Variants in PDE1A observed in about 807,000 individuals in gnomAD.
The protein encoded by PDE1A is phosphodiesterase 1A.
PDE1A carries 35 observed loss-of-function variants against 61.7 expected under a neutral mutation model. That is an observed-to-expected ratio of 0.57 (90% CI 0.43 to 0.75). PDE1A has a LOEUF of 0.75. Ranked by LOEUF, PDE1A falls within the 30% of genes least tolerant of loss-of-function variation. The probability of loss-of-function intolerance (pLI) is 0.00; values close to 1 mark genes in which losing one functional copy is unlikely to be tolerated. For synonymous variants in PDE1A, 232 were observed against 213.2 expected (o/e 1.09, Z -0.77); for missense variants, 597 against 630.6 (o/e 0.95, Z 0.57).
At chr2:182,383,930 G>A (rs1420254425) in intron 1 of PDE1A, among the ~76,000 whole-genome samples, 1 of 152,154 alleles carries the variant, frequency 6.6e-6, no homozygotes, top group Non-Finnish European at 1.5e-5. Flanking sequence ...GCACTGGGAA[G>A]ACTTCTATAG....
chr2:182,588,327 C>T, the PDE1A span, among the ~76,000 whole-genome samples: 20 of 152,100 alleles, frequency 1.3e-4, no homozygotes, highest in Non-Finnish European at 2.4e-4. Flanking sequence ...TGATTTTTAG[C>T]ACATTTCAAA....
rs570898200 is a variant in PDE1A, at chr2:182,399,405, T to A, written c.53+27173A>T. On this transcript the variant is annotated intron_variant, in intron 1 of 13. Coordinates refer to ENST00000351439, the Ensembl canonical transcript of PDE1A. ...TAAATCCTGCCCCCTCTGCTTCTAATCCCCGGAAACTCCTGATATGCTCTC... is the reference window on the plus strand; with the variant it reads ...TAAATCCTGCCCCCTCTGCTTCTAAACCCCGGAAACTCCTGATATGCTCTC... Among the ~76,000 whole-genome samples, 83 of 152,060 alleles carry A rather than the reference T, an allele frequency of 5.5e-4. 2 individuals carry two copies. The South Asian group carries it at 0.017, about 32-fold the overall frequency.
the PDE1A span, among the ~76,000 whole-genome samples, chr2:182,673,133 A>G: frequency 6.6e-6 from 1 of 152,306 alleles, no homozygotes; most frequent in African/African-American, 2.4e-5. Context: ...ATTAATGAAG[A>G]TATGCCATTA....
intron 1 of PDE1A, among the ~76,000 whole-genome samples, chr2:182,275,460 G>A (rs768687743): frequency 2.0e-5 from 3 of 152,110 alleles, no homozygotes; most frequent in Non-Finnish European, 4.4e-5. Context: ...CAGGCTAGTA[G>A]GCCCAGAACC....
intron 1 of PDE1A, among the ~76,000 whole-genome samples, chr2:182,300,526 A>G (rs377503344): frequency 2.2e-4 from 34 of 152,308 alleles, no homozygotes; most frequent in African/African-American, 7.0e-4. Flanking sequence ...TCAATTGTGC[A>G]GGGGCAGAAC....
intron 2 of PDE1A, among the ~76,000 whole-genome samples, chr2:182,463,264 T>C (rs1205159065): frequency 1.3e-5 from 2 of 150,702 alleles, no homozygotes; most frequent in East Asian, 1.9e-4. Context: ...ATAAATAAAA[T>C]AAAATAATAA....
chr2:182,404,179 T>A (rs986822095), intron 1 of PDE1A, among the ~76,000 whole-genome samples: 3 of 152,218 alleles, frequency 2.0e-5, no homozygotes, highest in Admixed American at 6.5e-5. Flanking sequence ...GTCTCAAACC[T>A]GACGACTCTG....
chr2:182,658,882 CT>C, the PDE1A span, among the ~76,000 whole-genome samples: 7 of 152,144 alleles, frequency 4.6e-5, no homozygotes, highest in African/African-American at 1.7e-4. Context: ...AATTCCATTA[CT>C]TTCAAACACT....
intron 2 of PDE1A, among the ~76,000 whole-genome samples, chr2:182,252,463 A>AAGAG (rs947999112): frequency 9.2e-5 from 14 of 152,192 alleles, no homozygotes; most frequent in African/African-American, 3.4e-4. Context: ...CCATGGAAGG[A>AAGAG]AGAGAGACCC....
the PDE1A span, among the ~76,000 whole-genome samples, chr2:182,588,486 T>C: frequency 6.6e-6 from 1 of 152,220 alleles, no homozygotes; most frequent in South Asian, 2.1e-4. Flanking sequence ...GAAACTCTTA[T>C]TACTTCTGTC....
At chr2:182,606,283 A>C in the PDE1A span, among the ~76,000 whole-genome samples, 1 of 152,024 alleles carries the variant, frequency 6.6e-6, no homozygotes, top group African/African-American at 2.4e-5. Flanking sequence ...GGTTCAAGCA[A>C]CTCTCCTGCC....
At chr2:182,664,411 T>C in the PDE1A span, among the ~76,000 whole-genome samples, 1 of 152,150 alleles carries the variant, frequency 6.6e-6, no homozygotes, top group Non-Finnish European at 1.5e-5. Flanking sequence ...GAAAACCACA[T>C]GGCTATAAAA....
chr2:182,228,864 T>C (rs904306998), intron 6 of PDE1A, among the ~76,000 whole-genome samples: 2 of 152,184 alleles, frequency 1.3e-5, no homozygotes, highest in Non-Finnish European at 2.9e-5. Flanking sequence ...TGCTAAAGGA[T>C]GAATAAAATC....
chr2:182,221,433 A>T (rs1392580615), intron 7 of PDE1A, among the ~76,000 whole-genome samples: 2 of 152,120 alleles, frequency 1.3e-5, no homozygotes, highest in Admixed American at 6.6e-5. Context: ...GTTAAGCAAA[A>T]TGATCTGCAT....
chr2:182,184,852 C>T lies in PDE1A; in HGVS notation c.1516+1040G>A, dbSNP rs555346943. On this transcript the variant is annotated intron_variant, in intron 13 of 13. Coordinates refer to ENST00000351439, the Ensembl canonical transcript of PDE1A. Reference sequence around the variant, plus strand: ...AATTTTGATATATGGCAAGTGCTCCCACTTTATTATCCTTCAGGAGTGTCT... The same window carrying T: ...AATTTTGATATATGGCAAGTGCTCCTACTTTATTATCCTTCAGGAGTGTCT... Among the ~76,000 whole-genome samples the T allele has an allele frequency of 1.4e-4, 21 of 152,148 alleles. No individual in the cohort carries two copies. The South Asian group carries it at 4.2e-3, about 30-fold the overall frequency.
the PDE1A span, among the ~76,000 whole-genome samples, chr2:182,630,387 C>T: frequency 6.6e-6 from 1 of 152,132 alleles, no homozygotes; most frequent in Non-Finnish European, 1.5e-5. Context: ...AGTTAAAATA[C>T]CACCTTGGCT....
chr2:182,518,250 T>C (rs1690340380), intron 2 of PDE1A, among the ~76,000 whole-genome samples: 1 of 152,202 alleles, frequency 6.6e-6, no homozygotes, highest in East Asian at 1.9e-4. Flanking sequence ...TTATTTTAAA[T>C]GTATATTTCT....
downstream of PDE1A, among the ~76,000 whole-genome samples, chr2:182,146,474 A>T (rs906356604): frequency 3.9e-5 from 6 of 152,050 alleles, no homozygotes; most frequent in African/African-American, 1.4e-4. Flanking sequence ...CCATGAACGT[A>T]TTTATTATTG....
the PDE1A span, among the ~76,000 whole-genome samples, chr2:182,580,429 A>G: frequency 3.9e-5 from 6 of 152,128 alleles, no homozygotes; most frequent in Middle Eastern, 3.4e-3. Flanking sequence ...TCTGTGTCCA[A>G]ATTTTCTCTT....
Sources: gnomAD v4.1 joint callset for allele counts (sites outside exome capture counted in the v4.1 genomes callset) on GRCh38, gnomAD v4.1.1 for gene constraint, MANE v1.5 for transcripts, NCBI Gene and HGNC (gene_info 2026-07-23, HGNC 2026-07-21) for gene names.